Variants in KALRN observed in about 807,000 individuals in gnomAD.
KALRN encodes kalirin RhoGEF kinase, also known as kalirin.
A neutral mutation model predicts 353.7 loss-of-function variants in KALRN; 70 were observed. The observed-to-expected ratio is 0.20, with a 90% CI of 0.16 to 0.24. The LOEUF is 0.24. Ranked by LOEUF, KALRN falls within the 10% of genes least tolerant of loss-of-function variation. KALRN has a pLI of 1.00. For synonymous variants in KALRN, 1,391 were observed against 1,434.8 expected (o/e 0.97, Z 0.69); for missense variants, 2,791 against 3,756.7 (o/e 0.74, Z 6.72).
rs1301681501 is a variant in KALRN, at chr3:124,671,813, C to T, written c.6857C>T (p.Pro2286Leu). The T allele has an allele frequency of 3.1e-6, 5 of 1,614,120 alleles. No individual in the cohort carries two copies. In the East Asian group the frequency reaches 6.7e-5, roughly 22 times the overall value. Residue 2286 changes from proline (P) to leucine (L), a missense_variant, in exon 48 of 60, where the codon CCT (proline) becomes CTT (leucine). Pro to Leu is a moderately conservative substitution (Grantham distance 98). Around this residue, in one of 11 missense-constraint regions of KALRN, gnomAD observed 1,065 missense variants for 1,156.4 expected, o/e 0.92. Coordinates refer to ENST00000682506, the MANE Select transcript of KALRN (RefSeq NM_001388419.1). ...KPPKGSSYNP[P>L]LPPLKISTSN... ...CCAAAGGGCTCCAGCTATAACCCAC[C>T]TCTGCCTCCCCTGAAGATATCTACC...
chr3:124,279,014 T>A (rs2075075108), intron 5 of KALRN, among the ~76,000 whole-genome samples: 1 of 152,206 alleles, frequency 6.6e-6, no homozygotes, highest in Admixed American at 6.5e-5. Flanking sequence ...TGTCCTGGCA[T>A]CTCCTCAGGC....
In KALRN at chr3:124,670,394, T is replaced by A. The variant is rs76516014; in HGVS notation, c.6704-1266T>A. On this transcript the variant is annotated intron_variant, in intron 47 of 59. Coordinates refer to ENST00000682506, the MANE Select transcript of KALRN (RefSeq NM_001388419.1). ...AGGTTATCATCTCCTAAATACTTAA[T>A]GCCACAAAACACTCCTCAGTGAGAG... 1.9e-3 allele frequency among the ~76,000 whole-genome samples: 296 copies of A among 152,326 alleles called. 1 individual carries two copies. The highest frequency in any genetic ancestry group is 6.5e-3 in the African/African-American group (271 of 41,576).
chr3:124,043,668 G>A (rs1245924542), intron 1 of KALRN, among the ~76,000 whole-genome samples: 1 of 152,166 alleles, frequency 6.6e-6, no homozygotes, highest in African/African-American at 2.4e-5. Flanking sequence ...AGTACAAGCT[G>A]AGGCAGCTGT....
At chr3:124,293,085 C>T (rs1227392716) in intron 5 of KALRN, among the ~76,000 whole-genome samples, 1 of 152,136 alleles carries the variant, frequency 6.6e-6, no homozygotes, top group African/African-American at 2.4e-5. Flanking sequence ...CAAGGTTCAC[C>T]CGCAAGGAGG....
chr3:124,694,237 A>G, intron 52 of KALRN, 95 bp from the exon 53 acceptor site: 1 of 1,174,098 alleles, frequency 8.5e-7, no homozygotes, highest in Non-Finnish European at 1.2e-6. Context: ...ATTACATGAC[A>G]TGGGTGGGAA....
intron 34 of KALRN, among the ~76,000 whole-genome samples, chr3:124,602,497 G>A (rs1292844929): frequency 6.6e-6 from 1 of 152,194 alleles, no homozygotes; most frequent in African/African-American, 2.4e-5. Context: ...CCTAGGACCT[G>A]TAGTCTAATG....
intron 3 of KALRN, among the ~76,000 whole-genome samples, chr3:124,237,366 C>CCTTTTTTT (rs2079906399): frequency 7.4e-6 from 1 of 135,630 alleles, no homozygotes; most frequent in East Asian, 2.7e-4. Context: ...TCATTTGATG[C>CCTTTTTTT]TTTTTTTTTT....
intron 54 of KALRN, 94 bp downstream of exon 54, chr3:124,696,349 C>T (rs1166680789): frequency 6.7e-6 from 8 of 1,201,564 alleles, no homozygotes; most frequent in Non-Finnish European, 9.3e-6. Context: ...CTGTTCATGG[C>T]AGCCTTGACC....
At position 124,198,283 on chromosome 3, in the gene KALRN, A is replaced by C. The variant is rs563513329; in HGVS notation, c.74-29707A>C. On this transcript the variant is annotated intron_variant, in intron 1 of 59. Coordinates refer to ENST00000682506, the MANE Select transcript of KALRN (RefSeq NM_001388419.1). ...ACTGGGTTTGATTCTGCACTCCATA[A>C]CTCATGATTTGTGCAACACAGTCAA... Among the ~76,000 whole-genome samples the C allele has an allele frequency of 3.9e-5, 6 of 152,260 alleles. No homozygotes were observed. In the South Asian group the frequency reaches 1.2e-3, roughly 32 times the overall value.
intron 1 of KALRN, among the ~76,000 whole-genome samples, chr3:124,185,077 G>A (rs748586189): frequency 7.9e-5 from 12 of 152,274 alleles, no homozygotes; most frequent in Admixed American, 3.9e-4. Flanking sequence ...GTGCAATGGC[G>A]TGATCTTGGC....
intron 37 of KALRN, 57 bp downstream of exon 37, chr3:124,637,360 G>A: frequency 2.4e-6 from 3 of 1,251,874 alleles, no homozygotes; most frequent in Non-Finnish European, 1.2e-6. Flanking sequence ...ACTGCTCCAG[G>A]CTTGCATCTG....
chr3:124,079,362 A>G (rs1279835386), intron 1 of KALRN, among the ~76,000 whole-genome samples: 2 of 152,272 alleles, frequency 1.3e-5, no homozygotes, highest in African/African-American at 2.4e-5. Context: ...ATGGATAATC[A>G]GAAAGATTAT....
intron 51 of KALRN, among the ~76,000 whole-genome samples, chr3:124,690,654 C>T (rs113927031): frequency 0.01 from 1,535 of 152,328 alleles, 20 homozygotes; most frequent in African/African-American, 0.034. Context: ...GGAGCCAGTC[C>T]TCTGTCACTG....
At chr3:124,225,178 G>T (rs1047779771) in intron 1 of KALRN, among the ~76,000 whole-genome samples, 1 of 152,142 alleles carries the variant, frequency 6.6e-6, no homozygotes, top group African/African-American at 2.4e-5. Flanking sequence ...AGTGCAAATA[G>T]GTTTTATATG....
At chr3:124,516,725 C>T (rs530832629) in intron 33 of KALRN, among the ~76,000 whole-genome samples, 2 of 150,100 alleles carry the variant, frequency 1.3e-5, no homozygotes, top group South Asian at 2.1e-4. Flanking sequence ...ATGCCACCTT[C>T]CATGCTAATG....
At chr3:124,442,853 C>T (rs2093710063) in intron 19 of KALRN, among the ~76,000 whole-genome samples, 1 of 152,088 alleles carries the variant, frequency 6.6e-6, no homozygotes, top group South Asian at 2.1e-4. Flanking sequence ...GGTATGGTGG[C>T]GTGCCTATAG....
At chr3:124,153,401 AATG>A (rs1369836344) in intron 1 of KALRN, among the ~76,000 whole-genome samples, 2 of 150,960 alleles carry the variant, frequency 1.3e-5, no homozygotes, top group Non-Finnish European at 2.9e-5. Flanking sequence ...GTTTACTGAG[AATG>A]ATGATTTCCA....
At chr3:124,143,631 T>C (rs1248247170) in intron 1 of KALRN, among the ~76,000 whole-genome samples, 6 of 152,202 alleles carry the variant, frequency 3.9e-5, no homozygotes, top group Admixed American at 3.9e-4. Flanking sequence ...AGTGTGTGTT[T>C]CTTTTTCCCC....
At chr3:124,684,973 G>C (rs2061494195) in intron 51 of KALRN, among the ~76,000 whole-genome samples, 1 of 152,020 alleles carries the variant, frequency 6.6e-6, no homozygotes, top group Non-Finnish European at 1.5e-5. Context: ...CAGCTACTCT[G>C]GCCTCCTTAT....
Sources: gnomAD v4.1 joint callset for allele counts (sites outside exome capture counted in the v4.1 genomes callset) on GRCh38, gnomAD v4.1.1 for gene constraint, gnomAD v4.1.1 regional missense constraint, MANE v1.5 for transcripts, NCBI Gene and HGNC (gene_info 2026-07-23, HGNC 2026-07-21) for gene names.